Variants in PLXDC2 observed in about 807,000 individuals in gnomAD.
PLXDC2 encodes plexin domain containing 2, also known as plexin domain-containing protein 2.
A neutral mutation model predicts 68.9 loss-of-function variants in PLXDC2; 40 were observed. The ratio of observed to expected loss-of-function variants is 0.58; its 90% CI spans 0.45 to 0.76. PLXDC2 has a LOEUF of 0.76. Among genes scored for constraint, PLXDC2 ranks in the 30% least tolerant of loss-of-function variants. The pLI, the probability that PLXDC2 is intolerant of heterozygous loss-of-function variation, is 0.00. For missense variants in PLXDC2, 644 were observed against 661.9 expected, an observed-to-expected ratio of 0.97 and a Z score of 0.30; for synonymous variants, 243 against 234.2, an observed-to-expected ratio of 1.04 and a Z score of -0.34.
intron 13 of PLXDC2, among the ~76,000 whole-genome samples, chr10:20,259,504 A>T (rs1331391392): frequency 6.6e-6 from 1 of 152,248 alleles, no homozygotes; most frequent in Admixed American, 6.5e-5. Context: ...TTACAAAAAA[A>T]TTAGCTGACA....
rs181176449 is a variant in PLXDC2, at chr10:19,948,424, G to T, written c.113-53351G>T. On this transcript the variant is annotated intron_variant, in intron 1 of 13. Coordinates refer to ENST00000377252, the MANE Select transcript of PLXDC2 (RefSeq NM_032812.9). ...TTTTTTTTGGTATAATGGAAAGAGT[G>T]TAGTGCTCTCAGTTAAGAATGATTT... Among the ~76,000 whole-genome samples the T allele has an allele frequency of 1.5e-3, 224 of 148,916 alleles. 3 individuals carry two copies. Among genetic ancestry groups the T allele is most frequent in the Admixed American group, 0.014 (214 of 14,892 alleles).
chr10:19,994,054 C>G (rs920492090), intron 1 of PLXDC2, among the ~76,000 whole-genome samples: 8 of 152,054 alleles, frequency 5.3e-5, no homozygotes, highest in Non-Finnish European at 1.0e-4. Context: ...CATAGCCTTT[C>G]AATCCCACAT....
At chr10:20,159,238 A>G (rs771595132) in intron 6 of PLXDC2, among the ~76,000 whole-genome samples, 1 of 152,200 alleles carries the variant, frequency 6.6e-6, no homozygotes, top group Non-Finnish European at 1.5e-5. Context: ...TAGACCGTGA[A>G]GTGAGTGAGT....
chr10:20,017,922 GCATGGGGAC>G (rs1216075502), intron 2 of PLXDC2, among the ~76,000 whole-genome samples: 2 of 152,192 alleles, frequency 1.3e-5, no homozygotes, highest in African/African-American at 2.4e-5. Context: ...GAATAGTGGG[GCATGGGGAC>G]CATGGGGACC....
chr10:20,058,080 A>G (rs1430948811), intron 3 of PLXDC2, among the ~76,000 whole-genome samples: 1 of 152,142 alleles, frequency 6.6e-6, no homozygotes, highest in East Asian at 1.9e-4. Flanking sequence ...TCAAACAGCA[A>G]TTGAATTTTG....
intron 2 of PLXDC2, among the ~76,000 whole-genome samples, chr10:20,026,163 T>TTTAATTAATTAATTAAGGCA (rs144314347): frequency 0.12 from 17,716 of 152,002 alleles, 1,316 homozygotes; most frequent in Non-Finnish European, 0.15. Flanking sequence ...GTTATTAAGG[T>TTTAATTAATTAATTAAGGCA]TTAATTAAAC....
intron 13 of PLXDC2, among the ~76,000 whole-genome samples, chr10:20,268,045 T>C (rs1211565001): frequency 1.3e-5 from 2 of 152,132 alleles, no homozygotes; most frequent in African/African-American, 4.8e-5. Context: ...TAAGGAATGA[T>C]TAAACACTGT....
chr10:20,132,494 G>A (rs187066339), intron 4 of PLXDC2, among the ~76,000 whole-genome samples: 3 of 151,998 alleles, frequency 2.0e-5, no homozygotes, highest in African/African-American at 4.8e-5. Flanking sequence ...TCTCCTTTTA[G>A]CTCTCTTAAT....
At chr10:20,148,755 A>G (rs927000830) in intron 6 of PLXDC2, among the ~76,000 whole-genome samples, 3 of 152,148 alleles carry the variant, frequency 2.0e-5, no homozygotes, top group African/African-American at 7.2e-5. Flanking sequence ...AATATTACAG[A>G]CTCGATATCT....
At position 19,850,681 on chromosome 10, in the gene PLXDC2, A is replaced by T. The variant is rs552702233; in HGVS notation, c.112+33490A>T. On this transcript the variant is annotated intron_variant, in intron 1 of 13. Coordinates refer to ENST00000377252, the MANE Select transcript of PLXDC2 (RefSeq NM_032812.9). Reference sequence around the variant, plus strand: ...TAAATTCTTTATAAGCGCCACCAAAATATGCATTTTAAATAAAATATCCTG... The same window carrying T: ...TAAATTCTTTATAAGCGCCACCAAATTATGCATTTTAAATAAAATATCCTG... Among the ~76,000 whole-genome samples, 6 of 152,298 alleles carry T rather than the reference A, an allele frequency of 3.9e-5. No individual in the cohort carries two copies. The South Asian group carries it at 1.2e-3, about 32-fold the overall frequency.
At chr10:20,182,895 G>A (rs558898405) in intron 9 of PLXDC2, among the ~76,000 whole-genome samples, 1 of 151,940 alleles carries the variant, frequency 6.6e-6, no homozygotes, top group African/African-American at 2.4e-5. Context: ...CCCTCCCTGT[G>A]TCTGTGTGTT....
intron 1 of PLXDC2, among the ~76,000 whole-genome samples, chr10:19,911,925 C>G (rs866708144): frequency 1.3e-5 from 2 of 152,172 alleles, no homozygotes; most frequent in Non-Finnish European, 2.9e-5. Context: ...AATTGTTTCT[C>G]TTTCTCTGAA....
At chr10:20,011,034 A>G (rs931459337) in intron 2 of PLXDC2, among the ~76,000 whole-genome samples, 40 of 152,230 alleles carry the variant, frequency 2.6e-4, no homozygotes, top group Non-Finnish European at 4.1e-4. Flanking sequence ...ACATACTCAG[A>G]TGAAAATTAT....
chr10:19,962,617 C>T (rs1228960309), intron 1 of PLXDC2, among the ~76,000 whole-genome samples: 1 of 146,352 alleles, frequency 6.8e-6, no homozygotes, highest in African/African-American at 2.5e-5. Context: ...GTCTCGATCT[C>T]CTGACGTCGT....
At chr10:19,988,538 A>G (rs1468586290) in intron 1 of PLXDC2, among the ~76,000 whole-genome samples, 1 of 152,122 alleles carries the variant, frequency 6.6e-6, no homozygotes, top group African/African-American at 2.4e-5. Context: ...GGACTAGCAT[A>G]CTTCAACCTA....
intron 13 of PLXDC2, among the ~76,000 whole-genome samples, chr10:20,252,451 TA>T (rs908532360): frequency 5.3e-5 from 8 of 152,254 alleles, no homozygotes; most frequent in Admixed American, 4.6e-4. Context: ...TAGACACTTT[TA>T]AAATTATGTA....
intron 3 of PLXDC2, among the ~76,000 whole-genome samples, chr10:20,051,522 T>A (rs554846354): frequency 6.6e-6 from 1 of 150,606 alleles, no homozygotes; most frequent in East Asian, 2.0e-4. Flanking sequence ...AGTGGAGGTA[T>A]AAACCCTATT....
intron 1 of PLXDC2, among the ~76,000 whole-genome samples, chr10:19,933,469 C>T (rs1025335889): frequency 2.6e-5 from 4 of 151,714 alleles, no homozygotes; most frequent in South Asian, 2.1e-4. Context: ...CCCCATCTCT[C>T]GTAAAAATAC....
chr10:19,968,376 G>A (rs542636974), intron 1 of PLXDC2, among the ~76,000 whole-genome samples: 43 of 152,266 alleles, frequency 2.8e-4, no homozygotes, highest in African/African-American at 9.1e-4. Context: ...GCAGTGGCAC[G>A]ATCTCCGCTC....
Sources: allele counts gnomAD v4.1 joint callset (sites outside exome capture counted in the v4.1 genomes callset), GRCh38; gene constraint gnomAD v4.1.1; transcripts MANE v1.5; gene names NCBI Gene and HGNC (gene_info 2026-07-23, HGNC 2026-07-21).